PASK: variants seen among roughly 807,000 people sequenced by gnomAD.
PASK encodes PAS domain containing serine/threonine kinase.
In PASK, 110 loss-of-function variants were observed where a neutral mutation model predicts 121.0. The observed-to-expected ratio is 0.91, with a 90% CI of 0.78 to 1.06. The LOEUF (loss-of-function observed/expected upper bound fraction) is 1.06. Ranked by LOEUF, PASK falls within the 50% of genes least tolerant of loss-of-function variation. The probability of loss-of-function intolerance (pLI) is 0.00; values close to 1 mark genes in which losing one functional copy is unlikely to be tolerated. For synonymous variants in PASK, 686 were observed against 717.8 expected (o/e 0.96, Z 0.71); for missense variants, 1,643 against 1,702.3 (o/e 0.97, Z 0.61).
At chr2:241,142,809 A>C in intron 2 of PASK, 28 bp downstream of exon 2, 1 of 1,519,352 alleles carries the variant, frequency 6.6e-7, no homozygotes, top group Non-Finnish European at 9.1e-7. Flanking sequence ...TCCACGCGCT[A>C]AGGCCTGCAG....
At chr2:241,143,216 G>T in intron 1 of PASK, 142 bp from the exon 2 acceptor site, 2 of 650,874 alleles carry the variant, frequency 3.1e-6, no homozygotes, top group Non-Finnish European at 5.6e-6. Flanking sequence ...AACCCGCAAT[G>T]GGAGAATGGT....
intron 14 of PASK, chr2:241,113,997 T>A (rs916003950): frequency 9.1e-5 from 89 of 977,622 alleles, no homozygotes; most frequent in Non-Finnish European, 1.0e-4. Flanking sequence ...TTGGCAAAAA[T>A]TTTAGAGTAT....
intron 1 of PASK, chr2:241,145,704 ATC>A (rs2066922066): frequency 1.4e-5 from 2 of 144,846 alleles, no homozygotes; most frequent in Non-Finnish European, 3.1e-5. Context: ...GTGAAACCCC[ATC>A]TCTACTAAAA....
At position 241,118,686 on chromosome 2, in the gene PASK, A is replaced by C. The variant is rs1311217710; in HGVS notation, c.3073-3273T>G. ...AAGTGACAAACGGTAAAAGAGACCAACTAAACGTCATCCATTTAAAATGTT... is the reference window on the plus strand; with the variant it reads ...AAGTGACAAACGGTAAAAGAGACCACCTAAACGTCATCCATTTAAAATGTT... On this transcript the variant is annotated intron_variant, in intron 12 of 17. Coordinates refer to ENST00000234040, the MANE Select transcript of PASK (RefSeq NM_015148.4). 1.1e-5 allele frequency: 2 copies of C among 183,616 alleles called. 1 individual carries two copies. Among genetic ancestry groups the C allele is most frequent in the Non-Finnish European group, 2.3e-5 (2 of 86,916 alleles). 11.4% of individuals were successfully genotyped at this position (183,616 alleles called of 1,614,324 possible). A position where few individuals can be genotyped will look rare whatever the true frequency, so the allele number is the denominator to read the frequency against.
chr2:241,123,015 C>T, intron 11 of PASK, 116 bp from the exon 12 acceptor site: 1 of 847,924 alleles, frequency 1.2e-6, no homozygotes, highest in Non-Finnish European at 1.9e-6. Flanking sequence ...GTGCCCTGCA[C>T]TCCAGTCCCC....
intron 8 of PASK, 74 bp from the exon 9 acceptor site, chr2:241,133,104 A>G (rs2066244877): frequency 2.4e-5 from 35 of 1,441,278 alleles, no homozygotes; most frequent in Non-Finnish European, 3.4e-5. Context: ...ATTCGCCTGG[A>G]ACTCACTGAG....
upstream of PASK, chr2:241,150,141 G>A: frequency 7.9e-7 from 1 of 1,272,632 alleles, no homozygotes; most frequent in Non-Finnish European, 9.9e-7. Flanking sequence ...TCGAGACAGT[G>A]ACATAAGTCA....
upstream of PASK, chr2:241,150,120 C>T: frequency 1.6e-6 from 2 of 1,262,198 alleles, no homozygotes; most frequent in Non-Finnish European, 2.0e-6. Flanking sequence ...GGCCCCTCCA[C>T]GCCTCCGAGG....
intron 11 of PASK, among the ~76,000 whole-genome samples, chr2:241,123,212 G>C (rs1173134491): frequency 1.4e-5 from 2 of 143,686 alleles, no homozygotes; most frequent in Non-Finnish European, 3.0e-5. Flanking sequence ...GTCTGGCTCT[G>C]TCGCCCAGGC....
chr2:241,119,544 A>G (rs1486301400), intron 12 of PASK, among the ~76,000 whole-genome samples: 3 of 146,248 alleles, frequency 2.1e-5, no homozygotes, highest in Admixed American at 7.0e-5. Flanking sequence ...ATCTCGGCTC[A>G]CTGCAAGCTC....
chr2:241,119,139 G>A (rs779870845), intron 12 of PASK, among the ~76,000 whole-genome samples: 7 of 152,268 alleles, frequency 4.6e-5, no homozygotes, highest in Non-Finnish European at 1.0e-4. Context: ...ACCTCTAGGT[G>A]TCTGCCTGAG....
chr2:241,107,515 A>G lies in PASK; in HGVS notation c.3668-16T>C. 1.9e-6 allele frequency: 3 copies of G among 1,613,342 alleles called. No individual in the cohort carries two copies. Among genetic ancestry groups the G allele is most frequent in the Non-Finnish European group, 2.5e-6 (3 of 1,179,502 alleles). ...CTCATGAGTTCTGGGGACACAAAGA[A>G]CACAGATGGTAGGTCCAGATTGGGA... On this transcript the variant is annotated splice_polypyrimidine_tract_variant and intron_variant, in intron 16 of 17. Transcript: ENST00000234040.
At chr2:241,116,756 C>T (rs1047076202) in intron 12 of PASK, among the ~76,000 whole-genome samples, 3 of 152,222 alleles carry the variant, frequency 2.0e-5, no homozygotes, top group African/African-American at 4.8e-5. Context: ...CCCAACACAA[C>T]GCCTGCTGCT....
chr2:241,124,892 C>A (rs2065784981), intron 10 of PASK, among the ~76,000 whole-genome samples: 1 of 152,220 alleles, frequency 6.6e-6, no homozygotes, highest in African/African-American at 2.4e-5. Context: ...TACAGCCAGG[C>A]ATGGTGGCTC....
At chr2:241,122,627 A>G in intron 12 of PASK, 105 bp downstream of exon 12, 1 of 1,055,406 alleles carries the variant, frequency 9.5e-7, no homozygotes, top group South Asian at 1.3e-5. Context: ...TTGGTGCCAT[A>G]CCTAGAGGAC....
intron 9 of PASK, among the ~76,000 whole-genome samples, chr2:241,128,472 C>T (rs2065976731): frequency 6.6e-6 from 1 of 152,206 alleles, no homozygotes; most frequent in Non-Finnish European, 1.5e-5. Context: ...CAGCCACTGG[C>T]CTCCACATGA....
At chr2:241,135,371 G>A (rs557863037) in intron 8 of PASK, among the ~76,000 whole-genome samples, 143 of 152,186 alleles carry the variant, frequency 9.4e-4, no homozygotes, top group Non-Finnish European at 1.7e-3. Context: ...CCCGTGGAAC[G>A]CAGGTGCATG....
intron 12 of PASK, among the ~76,000 whole-genome samples, chr2:241,120,673 A>G (rs1433856389): frequency 8.5e-5 from 13 of 152,300 alleles, no homozygotes; most frequent in Non-Finnish European, 1.5e-4. Context: ...AAAGACAATA[A>G]TAAGTGTTGA....
chr2:241,124,229 C>T, intron 10 of PASK, 96 bp from the exon 11 acceptor site: 1 of 976,176 alleles, frequency 1.0e-6, no homozygotes, highest in Non-Finnish European at 1.6e-6. Flanking sequence ...ATGCAACAGT[C>T]CAATCCCCAG....
Sources: gnomAD v4.1 joint callset for allele counts (sites outside exome capture counted in the v4.1 genomes callset) on GRCh38, gnomAD v4.1.1 for gene constraint, MANE v1.5 for transcripts, NCBI Gene and HGNC (gene_info 2026-07-23, HGNC 2026-07-21) for gene names.